The following CCDC201 variants were observed in gnomAD, a reference collection of about 807,000 sequenced individuals.
The protein encoded by CCDC201 is coiled-coil domain-containing protein 201.
At chr7:45,882,291 G>A in the CCDC201 span, among the ~76,000 whole-genome samples, 2 of 152,186 alleles carry the variant, frequency 1.3e-5, no homozygotes, top group Admixed American at 6.5e-5. Flanking sequence ...CCCAGCCTCT[G>A]CCGTTGGCAG....
At chr7:45,876,741 G>A (rs1048591668), upstream of CCDC201, among the ~76,000 whole-genome samples, 1 of 152,244 alleles carries the variant, frequency 6.6e-6, no homozygotes, top group African/African-American at 2.4e-5. Flanking sequence ...GCAGCCGTCA[G>A]GTGCTGTCAT....
chr7:45,871,258 G>T (rs1786740368), intron 1 of CCDC201, among the ~76,000 whole-genome samples: 2 of 152,004 alleles, frequency 1.3e-5, no homozygotes, highest in Non-Finnish European at 2.9e-5. Flanking sequence ...TCTTCTTCTG[G>T]CTGGTTGGCC....
chr7:45,884,471 T>A, the CCDC201 span, among the ~76,000 whole-genome samples: 1 of 152,220 alleles, frequency 6.6e-6, no homozygotes, highest in Admixed American at 6.5e-5. Flanking sequence ...GCTGCCCTAA[T>A]GAGGAGTCTA....
chr7:45,882,962 A>G, the CCDC201 span, among the ~76,000 whole-genome samples: 1 of 152,180 alleles, frequency 6.6e-6, no homozygotes, highest in Non-Finnish European at 1.5e-5. Flanking sequence ...AAATGCCTGT[A>G]TGGTATGGCA....
upstream of CCDC201, among the ~76,000 whole-genome samples, chr7:45,875,634 C>A (rs1786792634): frequency 1.3e-5 from 2 of 152,148 alleles, no homozygotes; most frequent in Admixed American, 1.3e-4. Context: ...GAAGGTAAAG[C>A]TCCCTTAGCA....
chr7:45,877,338 CT>C (rs1319190678), upstream of CCDC201, among the ~76,000 whole-genome samples: 1 of 152,170 alleles, frequency 6.6e-6, no homozygotes, highest in Non-Finnish European at 1.5e-5. Context: ...CTCTAGGTTT[CT>C]TTTGACCCCA....
At chr7:45,872,528 G>T (rs1363552248) in intron 1 of CCDC201, among the ~76,000 whole-genome samples, 2 of 152,194 alleles carry the variant, frequency 1.3e-5, no homozygotes, top group African/African-American at 4.8e-5. Flanking sequence ...GGTTCCAAAG[G>T]CCTCATGAGA....
At chr7:45,864,420 C>T (rs921596493) in intron 2 of CCDC201, among the ~76,000 whole-genome samples, 19 of 152,200 alleles carry the variant, frequency 1.2e-4, no homozygotes, top group Non-Finnish European at 1.9e-4. Flanking sequence ...CTCTCCTGGC[C>T]GCAGGTGGGA....
At chr7:45,878,867 G>C in the CCDC201 span, among the ~76,000 whole-genome samples, 5 of 152,184 alleles carry the variant, frequency 3.3e-5, no homozygotes, top group African/African-American at 1.2e-4. Context: ...ACATGGCTAG[G>C]CTGCAAATTT....
the CCDC201 span, among the ~76,000 whole-genome samples, chr7:45,884,512 G>GTGCCTGGTCCCC: frequency 6.6e-6 from 1 of 152,082 alleles, no homozygotes; most frequent in African/African-American, 2.4e-5. Flanking sequence ...AGGCCTCTTT[G>GTGCCTGGTCCCC]TGCCTGGTCC....
At chr7:45,866,124 G>A in exon 2 of CCDC201, 1 of 196,058 alleles carries the variant, frequency 5.1e-6, no homozygotes, top group South Asian at 8.5e-5. Context: ...CCAGCTCTTT[G>A]CCCGGAGGGA....
chr7:45,873,586 G>A (rs527932960), upstream of CCDC201, among the ~76,000 whole-genome samples: 6 of 152,248 alleles, frequency 3.9e-5, no homozygotes, highest in East Asian at 3.9e-4. Flanking sequence ...GGCAGGCCTG[G>A]GCAGGGACCC....
intron 1 of CCDC201, among the ~76,000 whole-genome samples, chr7:45,869,768 A>G (rs1379337003): frequency 6.6e-6 from 1 of 152,156 alleles, no homozygotes; most frequent in Non-Finnish European, 1.5e-5. Context: ...GGGTTGGAAG[A>G]ATAGTACAGG....
intron 1 of CCDC201, among the ~76,000 whole-genome samples, chr7:45,868,601 T>A (rs2116521659): frequency 6.6e-6 from 1 of 152,226 alleles, no homozygotes; most frequent in South Asian, 2.1e-4. Flanking sequence ...AGGACTCCCC[T>A]CACTCTTCAG....
chr7:45,874,186 A>G (rs745483110), upstream of CCDC201, among the ~76,000 whole-genome samples: 21 of 152,162 alleles, frequency 1.4e-4, no homozygotes, highest in Non-Finnish European at 2.6e-4. Flanking sequence ...TGCCAGGATT[A>G]CAGGTGTGAG....
At chr7:45,860,263 A>T (rs1786580870) in exon 3 of CCDC201, 1 of 151,466 alleles carries the variant, frequency 6.6e-6, no homozygotes, top group Admixed American at 6.6e-5. Flanking sequence ...TTGATCAGTT[A>T]GGGTGGGGCA....
upstream of CCDC201, among the ~76,000 whole-genome samples, chr7:45,876,933 G>C (rs1786815395): frequency 6.6e-6 from 1 of 152,224 alleles, no homozygotes; most frequent in Non-Finnish European, 1.5e-5. Context: ...CGAAGTCCAA[G>C]CTGCCAGTTT....
chr7:45,869,437 T>A (rs988214189), intron 1 of CCDC201, among the ~76,000 whole-genome samples: 8 of 152,230 alleles, frequency 5.3e-5, no homozygotes, highest in Admixed American at 3.3e-4. Flanking sequence ...CAGGAGCAAC[T>A]GTTCTGTGGA....
chr7:45,880,836 G>A, the CCDC201 span, among the ~76,000 whole-genome samples: 2 of 152,338 alleles, frequency 1.3e-5, 1 homozygote, highest in East Asian at 3.9e-4. Flanking sequence ...TCCTGGGGTG[G>A]GAGAGGTCCT....
Sources: gnomAD v4.1 joint callset for allele counts (sites outside exome capture counted in the v4.1 genomes callset) on GRCh38, gnomAD v4.1.1 for gene constraint, MANE v1.5 for transcripts, NCBI Gene and HGNC (gene_info 2026-07-23, HGNC 2026-07-21) for gene names.